Variants in DLG2 observed in about 807,000 individuals in gnomAD.
The protein encoded by DLG2 is disks large homolog 2.
Under a neutral mutation model 132.5 loss-of-function variants are expected in DLG2, and 45 were observed. The observed-to-expected ratio is 0.34, with a 90% CI of 0.27 to 0.44. The LOEUF is 0.44. Among genes scored for constraint, DLG2 ranks in the 20% least tolerant of loss-of-function variants. The probability of loss-of-function intolerance (pLI) is 1.00; values close to 1 mark genes in which losing one functional copy is unlikely to be tolerated. For synonymous variants in DLG2, 424 were observed against 419.6 expected (o/e 1.01, Z -0.13); for missense variants, 1,045 against 1,196.9 (o/e 0.87, Z 1.87).
At chr11:84,984,625 T>C (rs890100511) in intron 6 of DLG2, among the ~76,000 whole-genome samples, 8 of 147,404 alleles carry the variant, frequency 5.4e-5, no homozygotes, top group Non-Finnish European at 1.2e-4. Context: ...GCACAATGAA[T>C]GGAATGGTAC....
intron 18 of DLG2, chr11:83,682,125 C>A: frequency 1.0e-6 from 1 of 985,344 alleles, no homozygotes; most frequent in Non-Finnish European, 1.2e-6. Context: ...GCTTATTCAA[C>A]AACAACGATT....
chr11:84,732,231 C>T (rs946993985), intron 6 of DLG2, among the ~76,000 whole-genome samples: 3 of 152,038 alleles, frequency 2.0e-5, no homozygotes, highest in East Asian at 1.9e-4. Flanking sequence ...ATAGCTGCTA[C>T]GAATATCTGT....
At chr11:84,131,179 G>T (rs894211458) in intron 9 of DLG2, among the ~76,000 whole-genome samples, 1 of 151,918 alleles carries the variant, frequency 6.6e-6, no homozygotes, top group African/African-American at 2.4e-5. Flanking sequence ...ACAGGCAGAA[G>T]GAGGCAGCTT....
At chr11:84,350,345 T>C (rs2098558201) in intron 7 of DLG2, among the ~76,000 whole-genome samples, 2 of 152,148 alleles carry the variant, frequency 1.3e-5, no homozygotes, top group African/African-American at 4.8e-5. Context: ...AGAAATAGGC[T>C]CCACATATTT....
intron 3 of DLG2, among the ~76,000 whole-genome samples, chr11:85,409,818 A>T (rs555560411): frequency 6.6e-6 from 1 of 151,874 alleles, no homozygotes; most frequent in African/African-American, 2.4e-5. Flanking sequence ...GAAGTACTTA[A>T]AACTCAGAAC....
chr11:83,653,224 T>C (rs1345879394), intron 18 of DLG2, among the ~76,000 whole-genome samples: 1 of 152,224 alleles, frequency 6.6e-6, no homozygotes, highest in African/African-American at 2.4e-5. Flanking sequence ...CATATCTAAA[T>C]GTAACAACTA....
At chr11:84,567,518 T>G (rs1396735654) in intron 6 of DLG2, among the ~76,000 whole-genome samples, 1 of 152,194 alleles carries the variant, frequency 6.6e-6, no homozygotes, top group South Asian at 2.1e-4. Flanking sequence ...CTTTAATACC[T>G]TTTCCAACAA....
chr11:84,784,921 G>GA (rs2072598820), intron 6 of DLG2, among the ~76,000 whole-genome samples: 1 of 151,832 alleles, frequency 6.6e-6, no homozygotes, highest in Non-Finnish European at 1.5e-5. Context: ...TTGTATTTTT[G>GA]AAAAAAGCCA....
At chr11:84,451,966 A>G (rs2099052779) in intron 7 of DLG2, among the ~76,000 whole-genome samples, 1 of 151,762 alleles carries the variant, frequency 6.6e-6, no homozygotes, top group Admixed American at 6.6e-5. Flanking sequence ...TCACAGATCT[A>G]TCACATTCTA....
chr11:84,162,924 T>G (rs1158790139), intron 9 of DLG2, among the ~76,000 whole-genome samples: 1 of 152,154 alleles, frequency 6.6e-6, no homozygotes, highest in Non-Finnish European at 1.5e-5. Context: ...TATCTACATA[T>G]ATTAGGGTTG....
intron 4 of DLG2, among the ~76,000 whole-genome samples, chr11:85,252,810 C>T (rs1314160517): frequency 6.6e-6 from 1 of 151,904 alleles, no homozygotes; most frequent in Non-Finnish European, 1.5e-5. Flanking sequence ...GCAAAAAGAG[C>T]AAAACATATG....
At chr11:84,606,375 A>AAC (rs149463043) in intron 6 of DLG2, among the ~76,000 whole-genome samples, 15 of 151,958 alleles carry the variant, frequency 9.9e-5, no homozygotes, top group African/African-American at 3.6e-4. Flanking sequence ...CAAAATAAAC[A>AAC]ACACACACAC....
intron 7 of DLG2, among the ~76,000 whole-genome samples, chr11:84,466,365 T>A (rs952284739): frequency 1.3e-5 from 2 of 151,260 alleles, no homozygotes; most frequent in Non-Finnish European, 3.0e-5. Context: ...AATAACAAAC[T>A]AAAATGTATT....
intron 3 of DLG2, among the ~76,000 whole-genome samples, chr11:85,312,726 A>T (rs1448476170): frequency 1.3e-5 from 2 of 151,982 alleles, no homozygotes; most frequent in East Asian, 3.9e-4. Flanking sequence ...GTCTAAAAAA[A>T]TTCAAAATCA....
intron 6 of DLG2, among the ~76,000 whole-genome samples, chr11:84,802,812 C>A (rs2075568979): frequency 6.6e-6 from 1 of 151,962 alleles, no homozygotes; most frequent in South Asian, 2.1e-4. Context: ...TTCTTTCTTT[C>A]TTTTATGAGG....
chr11:84,060,206 G>C (rs2096569028), intron 10 of DLG2, among the ~76,000 whole-genome samples: 1 of 152,044 alleles, frequency 6.6e-6, no homozygotes, highest in Non-Finnish European at 1.5e-5. Context: ...CAGCTACTTG[G>C]GAGGCTGAGA....
chr11:83,934,033 A>T (rs1239025988), intron 14 of DLG2, among the ~76,000 whole-genome samples: 1 of 152,234 alleles, frequency 6.6e-6, no homozygotes, highest in Non-Finnish European at 1.5e-5. Context: ...AGGTTCCTTG[A>T]GTCTAGAATA....
chr11:84,740,963 C>A (rs1597053647), intron 6 of DLG2, among the ~76,000 whole-genome samples: 1 of 152,256 alleles, frequency 6.6e-6, no homozygotes, highest in East Asian at 1.9e-4. Flanking sequence ...TTCACAAAAC[C>A]CACACACCCA....
At chr11:83,843,133 C>A (rs562852178) in intron 16 of DLG2, among the ~76,000 whole-genome samples, 2 of 152,314 alleles carry the variant, frequency 1.3e-5, no homozygotes, top group South Asian at 4.1e-4. Flanking sequence ...TTGACCTCAC[C>A]TACCTCTCCA....
Sources: allele counts gnomAD v4.1 joint callset (sites outside exome capture counted in the v4.1 genomes callset), GRCh38; gene constraint gnomAD v4.1.1; transcripts MANE v1.5; gene names NCBI Gene and HGNC (gene_info 2026-07-23, HGNC 2026-07-21).